RBFOX1: variants seen among roughly 807,000 people sequenced by gnomAD.
RBFOX1 encodes RNA binding fox-1 homolog 1, also known as RNA binding protein fox-1 homolog 1.
Under a neutral mutation model 57.7 loss-of-function variants are expected in RBFOX1, and 8 were observed. That is an observed-to-expected ratio of 0.14 (90% CI 0.08 to 0.25). The LOEUF (loss-of-function observed/expected upper bound fraction) is 0.25, where lower values mean the gene tolerates loss of function less well. RBFOX1 is among the 10% of genes least tolerant of loss of function. The probability of loss-of-function intolerance (pLI) is 1.00; values close to 1 mark genes in which losing one functional copy is unlikely to be tolerated. For missense variants in RBFOX1, 611 were observed against 548.5 expected (o/e 1.11, Z -1.14); for synonymous variants, 326 against 222.4 (o/e 1.47, Z -4.15).
chr16:6,385,693 T>C (rs17134959), intron 2 of RBFOX1, among the ~76,000 whole-genome samples: 17,080 of 152,226 alleles, frequency 0.11, 1,154 homozygotes, highest in Middle Eastern at 0.21. Context: ...TCTAACACTA[T>C]TGGGAGAACA....
At chr16:7,241,129 G>A (rs983709670) in intron 4 of RBFOX1, among the ~76,000 whole-genome samples, 2 of 152,198 alleles carry the variant, frequency 1.3e-5, no homozygotes, top group Non-Finnish European at 2.9e-5. Flanking sequence ...ACCCGAGGCA[G>A]AAGTATCCCC....
chr16:7,454,187 C>T (rs1022969239), intron 4 of RBFOX1, among the ~76,000 whole-genome samples: 1 of 152,182 alleles, frequency 6.6e-6, no homozygotes. Context: ...GAGCCGAAAT[C>T]ATGCCACGGC....
chr16:6,920,986 A>G (rs970863344), intron 3 of RBFOX1, among the ~76,000 whole-genome samples: 2 of 152,168 alleles, frequency 1.3e-5, no homozygotes. Flanking sequence ...TAGTTACTGG[A>G]TAAGTTTGCC....
chr16:6,950,499 G>C (rs973104520), intron 3 of RBFOX1, among the ~76,000 whole-genome samples: 3 of 152,136 alleles, frequency 2.0e-5, no homozygotes, highest in Admixed American at 1.3e-4. Context: ...ACCTGAATTG[G>C]ATTGAAGCTG....
intron 4 of RBFOX1, among the ~76,000 whole-genome samples, chr16:7,466,628 G>A (rs185184779): frequency 6.6e-6 from 1 of 152,328 alleles, no homozygotes; most frequent in East Asian, 1.9e-4. Context: ...CTCACTAGCT[G>A]TGTGTCCTTA....
chr16:6,235,789 T>C (rs1390291221), intron 1 of RBFOX1, among the ~76,000 whole-genome samples: 1 of 151,974 alleles, frequency 6.6e-6, no homozygotes, highest in Non-Finnish European at 1.5e-5. Flanking sequence ...TTCTCACGCA[T>C]AGTGGGAGCT....
In RBFOX1 at chr16:7,518,289, C is replaced by G. The variant is rs748167936; in HGVS notation, c.170C>G (p.Thr57Arg). ...GCGCCAGAGTACACAGGCCAGACCACGGTTCCCGAGCACACATTAAACCTG... is the reference window on the plus strand; with the variant it reads ...GCGCCAGAGTACACAGGCCAGACCAGGGTTCCCGAGCACACATTAAACCTG... ...HPAPEYTGQT[T>R]VPEHTLNLYP... Residue 57 changes from threonine to arginine, a missense_variant, in exon 5 of 16, where the codon ACG becomes AGG. Around this residue, in one of 3 missense-constraint regions of RBFOX1, gnomAD observed 245 missense variants for 159.1 expected, o/e 1.54. Transcript: ENST00000550418. 1 of 1,614,148 alleles carries G rather than the reference C, an allele frequency of 6.2e-7. No homozygotes were observed. Among genetic ancestry groups the G allele is most frequent in the South Asian group, 1.1e-5 (1 of 91,082 alleles).
At chr16:6,315,402 GTCTA>G (rs2080955626) in intron 1 of RBFOX1, among the ~76,000 whole-genome samples, 1 of 116,494 alleles carries the variant, frequency 8.6e-6, no homozygotes, top group Non-Finnish European at 2.0e-5. Context: ...GGATCGATGG[GTCTA>G]TGGGTGGATA....
chr16:7,701,676 G>A (rs1260711223), intron 14 of RBFOX1, among the ~76,000 whole-genome samples: 1 of 152,114 alleles, frequency 6.6e-6, no homozygotes, highest in Non-Finnish European at 1.5e-5. Context: ...AGTGAGCTTG[G>A]TCATCCCTAT....
intron 4 of RBFOX1, among the ~76,000 whole-genome samples, chr16:7,257,730 A>G (rs1049869701): frequency 1.3e-4 from 20 of 152,256 alleles, no homozygotes; most frequent in Admixed American, 7.9e-4. Flanking sequence ...TTCTGCATAG[A>G]TGTTGCCTGT....
At chr16:5,567,635 CAAAAAAAA>C (rs34858401) in intron 2 of RBFOX1, among the ~76,000 whole-genome samples, 810 of 63,176 alleles carry the variant, frequency 0.013, 14 homozygotes, top group African/African-American at 0.048. Context: ...AGGTTATAGG[CAAAAAAAA>C]AAAAAAAAAA....
chr16:6,920,574 T>C (rs1256441035), intron 3 of RBFOX1, among the ~76,000 whole-genome samples: 1 of 152,176 alleles, frequency 6.6e-6, no homozygotes, highest in African/African-American at 2.4e-5. Context: ...ATTTATTCCA[T>C]TACTGTTTGG....
intron 1 of RBFOX1, among the ~76,000 whole-genome samples, chr16:6,279,239 G>C (rs529795324): frequency 6.6e-6 from 1 of 152,200 alleles, no homozygotes; most frequent in African/African-American, 2.4e-5. Flanking sequence ...GGATTAGTCT[G>C]GTTATCAATT....
At chr16:6,846,146 G>T (rs2093743485) in intron 3 of RBFOX1, among the ~76,000 whole-genome samples, 1 of 152,124 alleles carries the variant, frequency 6.6e-6, no homozygotes, top group Admixed American at 6.6e-5. Context: ...TTGTTGCCTA[G>T]CCCAGAGCTG....
At position 6,859,149 on chromosome 16, in the gene RBFOX1, A is replaced by ATG. The variant is rs1359935413; in HGVS notation, c.-15-192907_-15-192906insGT. ...TATATACATATATATACGTATATATATATGTATATATATACGTATATATAT... is the reference window on the plus strand; with the variant it reads ...TATATACATATATATACGTATATATATGTATGTATATATATACGTATATATAT... On this transcript the variant is annotated intron_variant, in intron 3 of 15. Transcript: ENST00000550418. Among the ~76,000 whole-genome samples, 221 of 93,270 alleles carry ATG rather than the reference A, an allele frequency of 2.4e-3. 2 individuals carry two copies. The highest frequency in any genetic ancestry group is 8.0e-3 in the East Asian group (18 of 2,262). The allele number at this position is 93,270 out of a possible 152,430, so 61.2% of individuals were successfully genotyped here.
At chr16:6,514,536 G>A (rs1426506802) in intron 2 of RBFOX1, among the ~76,000 whole-genome samples, 1 of 152,148 alleles carries the variant, frequency 6.6e-6, no homozygotes, top group African/African-American at 2.4e-5. Flanking sequence ...AATGATGTTT[G>A]TAAATGTGCT....
chr16:5,393,880 C>T (rs1265056794), intron 1 of RBFOX1, among the ~76,000 whole-genome samples: 3 of 152,178 alleles, frequency 2.0e-5, no homozygotes, highest in Admixed American at 6.5e-5. Flanking sequence ...TTCCCATTCA[C>T]GTTTCCCCCT....
intron 3 of RBFOX1, among the ~76,000 whole-genome samples, chr16:6,924,784 A>C (rs1276394292): frequency 2.0e-5 from 3 of 150,770 alleles, no homozygotes; most frequent in African/African-American, 4.9e-5. Flanking sequence ...GCACCCATTA[A>C]CTTGTCATTT....
chr16:6,553,094 C>T (rs1008339415), intron 2 of RBFOX1, among the ~76,000 whole-genome samples: 1 of 152,108 alleles, frequency 6.6e-6, no homozygotes, highest in African/African-American at 2.4e-5. Flanking sequence ...TATGTAATCC[C>T]GTGGAAACGT....
Sources: gnomAD v4.1 joint callset for allele counts (sites outside exome capture counted in the v4.1 genomes callset) on GRCh38, gnomAD v4.1.1 for gene constraint, gnomAD v4.1.1 regional missense constraint, MANE v1.5 for transcripts, NCBI Gene and HGNC (gene_info 2026-07-23, HGNC 2026-07-21) for gene names.